The following FGD3 variants were observed in gnomAD, a reference collection of about 807,000 sequenced individuals.
FGD3 encodes the protein FYVE, RhoGEF and PH domain-containing protein 3.
A neutral mutation model predicts 71.8 loss-of-function variants in FGD3; 45 were observed. The ratio of observed to expected loss-of-function variants is 0.63; its 90% CI spans 0.49 to 0.80. The LOEUF (loss-of-function observed/expected upper bound fraction) is 0.80. Ranked by LOEUF, FGD3 falls within the 30% of genes least tolerant of loss-of-function variation. The pLI is 0.00. For missense variants in FGD3, 844 were observed against 951.5 expected (o/e 0.89, Z 1.49); for synonymous variants, 378 against 392.8 (o/e 0.96, Z 0.44).
intron 14 of FGD3, among the ~76,000 whole-genome samples, chr9:93,028,178 C>T (rs565124202): frequency 6.1e-4 from 90 of 148,580 alleles, no homozygotes; most frequent in African/African-American, 2.2e-3. Flanking sequence ...GTTCTTATGG[C>T]CCCTCAGCCC....
intron 14 of FGD3, among the ~76,000 whole-genome samples, chr9:93,022,668 T>G (rs1861968617): frequency 6.6e-6 from 1 of 152,148 alleles, no homozygotes; most frequent in Non-Finnish European, 1.5e-5. Context: ...GTCCATTACC[T>G]GGTTGGAGGT....
intron 14 of FGD3, among the ~76,000 whole-genome samples, chr9:93,026,633 C>T (rs935444368): frequency 6.6e-6 from 1 of 152,228 alleles, no homozygotes; most frequent in African/African-American, 2.4e-5. Context: ...CTGCCTCAGC[C>T]CTGAGCCACA....
Position 93,006,069 on chromosome 9 carries a change from A to G in FGD3, c.726A>G (p.Pro242=), listed in dbSNP as rs1587846790. ...RLGDILQKLA[P]FLKMYGEYVK... is the part of the protein sequence containing the mutation. ...GGGACATCCTGCAGAAGCTGGCCCC[A>G]TTCCTGAAGATGTACGGCGAGTATG... is the stretch of plus-strand genomic sequence containing the variant. The change falls in exon 6 of 18, where the codon CCA becomes CCG. Residue 242 remains proline (P), a synonymous_variant. Coordinates refer to ENST00000375482, the MANE Select transcript of FGD3 (RefSeq NM_001083536.2). 4.3e-6 allele frequency: 7 copies of G among 1,613,050 alleles called. No homozygotes were observed. Among genetic ancestry groups the G allele is most frequent in the African/African-American group, 1.3e-5 (1 of 74,844 alleles).
At chr9:93,015,677 G>A in intron 9 of FGD3, 60 bp from the exon 10 acceptor site, 1 of 1,366,350 alleles carries the variant, frequency 7.3e-7, no homozygotes, top group Non-Finnish European at 1.0e-6. Flanking sequence ...AAGCTCACTG[G>A]GGCCCCTGGG....
At chr9:92,956,230 A>G (rs998970832) in intron 1 of FGD3, among the ~76,000 whole-genome samples, 1 of 151,924 alleles carries the variant, frequency 6.6e-6, no homozygotes, top group South Asian at 2.1e-4. Context: ...CTCAGCATGC[A>G]TTTTCGTTTC....
chr9:92,972,287 A>T (rs930308183), intron 1 of FGD3, among the ~76,000 whole-genome samples: 1 of 150,742 alleles, frequency 6.6e-6, no homozygotes, highest in African/African-American at 2.4e-5. Context: ...CATCTCTACT[A>T]AAAAAAATAC....
intron 14 of FGD3, among the ~76,000 whole-genome samples, chr9:93,022,925 G>A (rs768126859): frequency 3.1e-4 from 47 of 152,098 alleles, no homozygotes; most frequent in Non-Finnish European, 6.5e-4. Context: ...GTGCTGCTCC[G>A]GCCAGGCAGA....
intron 12 of FGD3, 56 bp from the exon 13 acceptor site, chr9:93,020,261 G>A: frequency 2.0e-6 from 3 of 1,514,118 alleles, no homozygotes; most frequent in Non-Finnish European, 2.7e-6. Context: ...TCCCTCCTGT[G>A]GGTAGCATCC....
intron 3 of FGD3, among the ~76,000 whole-genome samples, chr9:92,987,431 CAA>C (rs56738468): frequency 1.1e-3 from 132 of 122,414 alleles, no homozygotes; most frequent in Middle Eastern, 8.1e-3. Flanking sequence ...GACTCTGTCT[CAA>C]AAAAAAAAAA....
In FGD3 at chr9:93,035,895, G is replaced by C. The variant is rs1862582020; in HGVS notation, c.*306G>C. ...CCGTGTGGTGATGCTGGCCCGGAAG[G>C]CAGAAAGAGGCAGCATGGGCACTGC... On this transcript the variant is annotated 3_prime_UTR_variant, in exon 18 of 18. Coordinates refer to ENST00000375482, the MANE Select transcript of FGD3 (RefSeq NM_001083536.2). 2.9e-6 allele frequency: 1 copy of C among 345,208 alleles called. No individual in the cohort carries two copies. Among genetic ancestry groups the C allele is most frequent in the African/African-American group, 2.1e-5 (1 of 47,450 alleles). 21.4% of individuals were successfully genotyped at this position (345,208 alleles called of 1,614,324 possible).
At chr9:93,035,116 C>G (rs1279566059) in intron 17 of FGD3, among the ~76,000 whole-genome samples, 1 of 152,180 alleles carries the variant, frequency 6.6e-6, no homozygotes, top group Non-Finnish European at 1.5e-5. Flanking sequence ...CAAGGCATCC[C>G]CCTCCCTATA....
At chr9:92,954,342 T>C (rs1303121665) in intron 1 of FGD3, among the ~76,000 whole-genome samples, 1 of 152,210 alleles carries the variant, frequency 6.6e-6, no homozygotes, top group Non-Finnish European at 1.5e-5. Flanking sequence ...TTCCCCTGTC[T>C]TGTCAGAAGA....
chr9:92,957,183 G>A (rs1333368277), intron 1 of FGD3, among the ~76,000 whole-genome samples: 2 of 152,226 alleles, frequency 1.3e-5, no homozygotes, highest in Admixed American at 1.3e-4. Flanking sequence ...TCTTTGTGTG[G>A]ACAGATGTTT....
intron 17 of FGD3, among the ~76,000 whole-genome samples, chr9:93,034,946 G>T (rs192471635): frequency 1.3e-5 from 2 of 152,260 alleles, no homozygotes; most frequent in East Asian, 3.9e-4. Context: ...AGGAGCCACA[G>T]AACCTGTCAG....
intron 3 of FGD3, among the ~76,000 whole-genome samples, chr9:93,000,944 C>T (rs1860835893): frequency 1.3e-5 from 2 of 152,004 alleles, no homozygotes; most frequent in Admixed American, 6.6e-5. Context: ...TGATAGTGGC[C>T]CATACATCCC....
Position 93,003,995 on chromosome 9 carries a change from G to T in FGD3, c.544-6G>T. On this transcript the variant is annotated splice_region_variant and splice_polypyrimidine_tract_variant and intron_variant, in intron 4 of 17. Transcript: ENST00000375482. This position sits in a 1 kb window ranked among gnomAD's most constrained non-coding sequence, Gnocchi z 4.1. ...ACTGGCCACACGTGGGCTTCTCTATGCTCAGGTTTTCTGCACCAGGCTGAC... is the reference window on the plus strand; with the variant it reads ...ACTGGCCACACGTGGGCTTCTCTATTCTCAGGTTTTCTGCACCAGGCTGAC... 1 of 1,614,050 alleles carries T rather than the reference G, an allele frequency of 6.2e-7. No individual in the cohort carries two copies. Among genetic ancestry groups the T allele is most frequent in the Non-Finnish European group, 8.5e-7 (1 of 1,180,028 alleles).
intron 6 of FGD3, among the ~76,000 whole-genome samples, chr9:93,006,627 CT>C (rs1861066103): frequency 6.6e-6 from 1 of 152,222 alleles, no homozygotes. Flanking sequence ...GGGCTGGTCT[CT>C]TTCTTCTTGA....
intron 6 of FGD3, among the ~76,000 whole-genome samples, chr9:93,008,969 A>AG (rs1283401560): frequency 1.3e-5 from 2 of 151,542 alleles, no homozygotes; most frequent in Non-Finnish European, 2.9e-5. Flanking sequence ...CATCAAAAAA[A>AG]AAAAAAAAGT....
At chr9:92,977,924 G>C (rs555780451) in intron 3 of FGD3, among the ~76,000 whole-genome samples, 1 of 152,314 alleles carries the variant, frequency 6.6e-6, no homozygotes, top group Admixed American at 6.5e-5. Flanking sequence ...AATAGACTCT[G>C]TGGCAATAAG....
Sources: gnomAD v4.1 joint callset for allele counts (sites outside exome capture counted in the v4.1 genomes callset) on GRCh38, gnomAD v4.1.1 for gene constraint, Gnocchi (gnomAD v3.1) non-coding constraint, MANE v1.5 for transcripts, NCBI Gene and HGNC (gene_info 2026-07-23, HGNC 2026-07-21) for gene names.